The following ALDH18A1 variants were observed in gnomAD, a reference collection of about 807,000 sequenced individuals.
ALDH18A1 encodes the protein aldehyde dehydrogenase 18 family member A1, also known as delta-1-pyrroline-5-carboxylate synthase.
A neutral mutation model predicts 88.8 loss-of-function variants in ALDH18A1; 44 were observed. The observed-to-expected ratio is 0.50, with a 90% CI of 0.39 to 0.64. ALDH18A1 has a LOEUF of 0.64. Among genes scored for constraint, ALDH18A1 ranks in the 30% least tolerant of loss-of-function variants. The probability of loss-of-function intolerance (pLI) is 0.00; values close to 1 mark genes in which losing one functional copy is unlikely to be tolerated. For missense variants in ALDH18A1, 782 were observed against 1,009.5 expected (o/e 0.77, Z 3.05); for synonymous variants, 331 against 372.1 (o/e 0.89, Z 1.27).
At chr10:95,614,407 T>G (rs1461165492) in intron 13 of ALDH18A1, among the ~76,000 whole-genome samples, 3 of 152,230 alleles carry the variant, frequency 2.0e-5, no homozygotes, top group Non-Finnish European at 4.4e-5. Context: ...GGACACTGCA[T>G]GCCGTCAAAG....
intron 7 of ALDH18A1, among the ~76,000 whole-genome samples, chr10:95,630,267 G>A (rs2097866641): frequency 6.6e-6 from 1 of 151,916 alleles, no homozygotes; most frequent in Admixed American, 6.6e-5. Flanking sequence ...ATGTGCCACC[G>A]TGCCCAGCTT....
At chr10:95,616,077 G>A (rs974164385) in intron 13 of ALDH18A1, among the ~76,000 whole-genome samples, 1 of 152,152 alleles carries the variant, frequency 6.6e-6, no homozygotes, top group East Asian at 1.9e-4. Context: ...ATAACAGCAT[G>A]ATCTCATACT....
At chr10:95,643,971 C>T (rs2097896566) in intron 2 of ALDH18A1, among the ~76,000 whole-genome samples, 1 of 152,116 alleles carries the variant, frequency 6.6e-6, no homozygotes. Flanking sequence ...TGGTGAAACC[C>T]CGTCTCTACT....
chr10:95,627,716 G>T, intron 8 of ALDH18A1, 130 bp from the exon 9 acceptor site: 2 of 1,157,562 alleles, frequency 1.7e-6, no homozygotes, highest in Non-Finnish European at 2.5e-6. Context: ...GTTTTTAAAA[G>T]CTTAGAAGCT....
chr10:95,626,740 G>A lies in ALDH18A1; in HGVS notation c.1115C>T (p.Ser372Phe). The A allele has an allele frequency of 6.2e-7, 1 of 1,613,930 alleles. No individual in the cohort carries two copies. The highest frequency in any genetic ancestry group is 8.5e-7 in the Non-Finnish European group (1 of 1,179,920). The change falls in exon 10 of 18, where the codon TCT becomes TTT. Residue 372 changes from serine to phenylalanine, a missense_variant. By Grantham distance (155) the Ser-to-Phe change is radical. Transcript: ENST00000371224. Reference protein sequence around the residue: ...TVEQQGEMARSGGRMLATLEP... With the variant: ...TVEQQGEMARFGGRMLATLEP... ...CAAGGTGGCCAACATCCTTCCTCCAGATCGCGCCATTTCTCCCTGCTGCTC... is the reference window on the plus strand; with the variant it reads ...CAAGGTGGCCAACATCCTTCCTCCAAATCGCGCCATTTCTCCCTGCTGCTC...
At chr10:95,633,430 T>G in intron 6 of ALDH18A1, 61 bp downstream of exon 6, 1 of 1,595,648 alleles carries the variant, frequency 6.3e-7, no homozygotes, top group Non-Finnish European at 8.6e-7. Context: ...TGTTAGTGCA[T>G]GCAGCATAGC....
In ALDH18A1 at chr10:95,653,387, T is replaced by G; in HGVS notation, c.-10A>C. The G allele has an allele frequency of 6.2e-7, 1 of 1,613,488 alleles. No individual in the cohort carries two copies. Among genetic ancestry groups the G allele is most frequent in the Non-Finnish European group, 8.5e-7 (1 of 1,179,934 alleles). Reference sequence around the variant, plus strand: ...AAACTTGACTCAACATGCTGCGATGTGGTCACTAACCAAAGTATCTGCAGA... The same window carrying G: ...AAACTTGACTCAACATGCTGCGATGGGGTCACTAACCAAAGTATCTGCAGA... On this transcript the variant is annotated 5_prime_UTR_variant, in exon 2 of 18. Transcript: ENST00000371224.
At position 95,643,170 on chromosome 10, in the gene ALDH18A1, GAAC is replaced by G. The variant is rs759864119; in HGVS notation, c.122_124del (p.Arg41_Ser42delinsPro). On this transcript the variant is annotated inframe_deletion, in exon 3 of 18. Coordinates refer to ENST00000371224, the MANE Select transcript of ALDH18A1 (RefSeq NM_002860.4). ...AGTGATAAACGGGATGTTGCTCCAA[GAAC>G]GAACATGTCTGATGACTGAAGGCTG... is the stretch of plus-strand genomic sequence containing the variant. The G allele has an allele frequency of 6.2e-7, 1 of 1,614,156 alleles. No individual in the cohort carries two copies. The highest frequency in any genetic ancestry group is 8.5e-7 in the Non-Finnish European group (1 of 1,180,034).
Position 95,627,495 on chromosome 10 carries a change from T to C in ALDH18A1, c.1025A>G (p.Asp342Gly). 2 of 1,614,152 alleles carry C rather than the reference T, an allele frequency of 1.2e-6. No homozygotes were observed. Among genetic ancestry groups the C allele is most frequent in the Non-Finnish European group, 1.7e-6 (2 of 1,180,004 alleles). Reference sequence around the variant, plus strand: ...ACCAACTTTCTTCCCCTCCACAATGTCTGTGATGACGTGCCCAGACACCTT... The same window carrying C: ...ACCAACTTTCTTCCCCTCCACAATGCCTGTGATGACGTGCCCAGACACCTT... ...HPKVSGHVIT[D>G]IVEGKKVGTF... The change falls in exon 9 of 18, where the codon GAC (aspartate) becomes GGC (glycine). Residue 342 changes from aspartate to glycine, a missense_variant. Around this residue, in one of 3 missense-constraint regions of ALDH18A1, gnomAD observed 556 missense variants for 654.5 expected, o/e 0.85. Transcript: ENST00000371224.
rs1565995407 is a variant in ALDH18A1 at position 95,611,458 on chromosome 10, T to A, written c.1924-16A>T. On this transcript the variant is annotated splice_polypyrimidine_tract_variant and intron_variant, in intron 15 of 17. Coordinates refer to ENST00000371224, the MANE Select transcript of ALDH18A1 (RefSeq NM_002860.4). ...GAATTTTTACCTGGAACAGAGGAAG[T>A]CCAGGGGCAACAACATAAAAACAAC... 6.2e-7 allele frequency: 1 copy of A among 1,613,700 alleles called. No individual in the cohort carries two copies. The highest frequency in any genetic ancestry group is 1.7e-4 in the Middle Eastern group (1 of 6,054).
chr10:95,646,760 C>T (rs749046099), intron 2 of ALDH18A1, among the ~76,000 whole-genome samples: 5 of 152,264 alleles, frequency 3.3e-5, no homozygotes, highest in Admixed American at 6.5e-5. Flanking sequence ...GAAAATCTGT[C>T]CCCTCTTAGT....
At chr10:95,639,558 G>A (rs1427977468) in intron 3 of ALDH18A1, among the ~76,000 whole-genome samples, 1 of 151,022 alleles carries the variant, frequency 6.6e-6, no homozygotes, top group Non-Finnish European at 1.5e-5. Context: ...ACTGCTAAAA[G>A]ATAATCATAT....
chr10:95,622,201 CCTTTTTTT>C (rs1354368704), intron 11 of ALDH18A1, among the ~76,000 whole-genome samples: 3 of 152,004 alleles, frequency 2.0e-5, no homozygotes, highest in Non-Finnish European at 4.4e-5. Flanking sequence ...AAACTTTTTT[CCTTTTTTT>C]CTTTTAGAGA....
intron 5 of ALDH18A1, 66 bp from the exon 6 acceptor site, chr10:95,633,715 A>C: frequency 6.4e-7 from 1 of 1,569,222 alleles, no homozygotes; most frequent in Non-Finnish European, 8.7e-7. Context: ...AGTATACAAA[A>C]GACGCTAAGA....
At chr10:95,619,387 C>G (rs541075607) in intron 12 of ALDH18A1, among the ~76,000 whole-genome samples, 34 of 152,284 alleles carry the variant, frequency 2.2e-4, no homozygotes, top group African/African-American at 7.7e-4. Context: ...AGATTCGATG[C>G]CATCCCCATC....
At chr10:95,610,769 T>G (rs1282012364) in intron 16 of ALDH18A1, among the ~76,000 whole-genome samples, 2 of 152,202 alleles carry the variant, frequency 1.3e-5, no homozygotes, top group Non-Finnish European at 2.9e-5. Flanking sequence ...TGGCTGTTAA[T>G]ACGGGTGGTA....
At chr10:95,647,031 A>G (rs1024542277) in intron 2 of ALDH18A1, among the ~76,000 whole-genome samples, 14 of 152,060 alleles carry the variant, frequency 9.2e-5, no homozygotes, top group South Asian at 2.1e-4. Flanking sequence ...TATCTCCACA[A>G]GCGTTCTCAT....
In ALDH18A1 at chr10:95,606,299, A is replaced by G; in HGVS notation, c.*463T>C. 1 of 1,002,162 alleles carries G rather than the reference A, an allele frequency of 1.0e-6. No individual in the cohort carries two copies. The highest frequency in any genetic ancestry group is 1.2e-6 in the Non-Finnish European group (1 of 839,378). The allele number at this position is 1,002,162 out of a possible 1,614,324, so 62.1% of individuals were successfully genotyped here. A position where few individuals can be genotyped will look rare whatever the true frequency, so the allele number is the denominator to read the frequency against. ...ACTTTCTGATGAGAATGCTAAAAAGAAGAGTTGCCCCTTTTCTAAAATTCC... is the reference window on the plus strand; with the variant it reads ...ACTTTCTGATGAGAATGCTAAAAAGGAGAGTTGCCCCTTTTCTAAAATTCC... On this transcript the variant is annotated 3_prime_UTR_variant, in exon 18 of 18. Coordinates refer to ENST00000371224, the MANE Select transcript of ALDH18A1 (RefSeq NM_002860.4).
chr10:95,642,661 C>A (rs1425732596), intron 3 of ALDH18A1, among the ~76,000 whole-genome samples: 1 of 151,326 alleles, frequency 6.6e-6, no homozygotes, highest in Non-Finnish European at 1.5e-5. Flanking sequence ...TCTTAAATGG[C>A]TAGGTGTGAA....
Sources: gnomAD v4.1 joint callset for allele counts (sites outside exome capture counted in the v4.1 genomes callset) on GRCh38, gnomAD v4.1.1 for gene constraint, gnomAD v4.1.1 regional missense constraint, MANE v1.5 for transcripts, NCBI Gene and HGNC (gene_info 2026-07-23, HGNC 2026-07-21) for gene names.